The following TBC1D31 variants were observed in gnomAD, a reference collection of about 807,000 sequenced individuals.
TBC1D31 encodes TBC1 domain family member 31.
TBC1D31 carries 99 observed loss-of-function variants against 132.9 expected under a neutral mutation model. The ratio of observed to expected loss-of-function variants is 0.74; its 90% CI spans 0.63 to 0.88. The LOEUF is 0.88. Among genes scored for constraint, TBC1D31 ranks in the 40% least tolerant of loss-of-function variants. The pLI is 0.00. For missense variants in TBC1D31, 1,134 were observed against 1,256.6 expected (o/e 0.90, Z 1.48); for synonymous variants, 385 against 419.4 (o/e 0.92, Z 1.00).
intron 19 of TBC1D31, 50 bp from the exon 20 acceptor site, chr8:123,144,667 G>A: frequency 1.3e-6 from 2 of 1,539,718 alleles, no homozygotes; most frequent in South Asian, 1.2e-5. Context: ...TGTGAAATGT[G>A]TATTACTATA....
chr8:123,165,064 G>A, the TBC1D31 span, among the ~76,000 whole-genome samples: 1 of 152,346 alleles, frequency 6.6e-6, no homozygotes, highest in Non-Finnish European at 1.5e-5. Context: ...CCAGGAGGAA[G>A]GCGGCCATCT....
intron 17 of TBC1D31, 69 bp downstream of exon 17, chr8:123,134,275 TC>T: frequency 8.2e-7 from 1 of 1,222,766 alleles, no homozygotes; most frequent in South Asian, 1.2e-5. Flanking sequence ...AAACCTGTAA[TC>T]CCAGCACTTT....
intron 4 of TBC1D31, 143 bp from the exon 5 acceptor site, chr8:123,093,448 C>G (rs963665127): frequency 2.0e-6 from 1 of 494,204 alleles, no homozygotes; most frequent in Non-Finnish European, 3.3e-6. Context: ...CAGTATTACT[C>G]CTTGTCATAT....
chr8:123,154,648 G>A (rs1299870708), downstream of TBC1D31, among the ~76,000 whole-genome samples: 1 of 152,240 alleles, frequency 6.6e-6, no homozygotes, highest in Non-Finnish European at 1.5e-5. Flanking sequence ...AGGCCAGCAG[G>A]CAGGTGCTCA....
At position 123,105,092 on chromosome 8, in the gene TBC1D31, A is replaced by G. The variant is rs12547393; in HGVS notation, c.1033-196A>G. ...CATGTATCTTTATTATGTTCTTCAA[A>G]AGGATTCAGCAGAAATTTGCTTTGA... is the stretch of plus-strand genomic sequence containing the variant. On this transcript the variant is annotated intron_variant, in intron 7 of 21. Transcript: ENST00000287380. Among the ~76,000 whole-genome samples, 26,380 of 152,116 alleles carry G rather than the reference A, an allele frequency of 0.17. 2,353 individuals are homozygous for G. Among genetic ancestry groups the G allele is most frequent in the South Asian group, 0.22 (1,069 of 4,824 alleles).
chr8:123,124,346 C>G (rs1586682158), intron 11 of TBC1D31, among the ~76,000 whole-genome samples: 1 of 152,318 alleles, frequency 6.6e-6, no homozygotes, highest in African/African-American at 2.4e-5. Context: ...AACAAAGACT[C>G]TCCACACAAT....
chr8:123,077,341 T>C, intron 2 of TBC1D31, 84 bp downstream of exon 2: 2 of 1,333,612 alleles, frequency 1.5e-6, no homozygotes, highest in Non-Finnish European at 2.0e-6. Context: ...CATTATTCAT[T>C]CAGAAAGATT....
rs1814042983 is a variant in TBC1D31 at position 123,072,856 on chromosome 8, G to T, written c.77+10G>T. 2 of 1,558,330 alleles carry T rather than the reference G, an allele frequency of 1.3e-6. No individual in the cohort carries two copies. The highest frequency in any genetic ancestry group is 1.2e-5 in the South Asian group (1 of 84,558). On this transcript the variant is annotated intron_variant, in intron 1 of 21. Transcript: ENST00000287380. ...CGGCCACGCGGGACGGGTAAAGGCC[G>T]TGGCGGGAGGGCGCGGGCTGTGGAG... is the stretch of plus-strand genomic sequence containing the variant.
intron 10 of TBC1D31, among the ~76,000 whole-genome samples, chr8:123,118,607 C>T (rs1034241151): frequency 4.0e-5 from 6 of 151,384 alleles, no homozygotes; most frequent in East Asian, 3.9e-4. Flanking sequence ...ACAAATGAAA[C>T]GCTGGTTTCT....
At chr8:123,086,207 C>G (rs1395319109) in intron 4 of TBC1D31, among the ~76,000 whole-genome samples, 1 of 152,146 alleles carries the variant, frequency 6.6e-6, no homozygotes. Flanking sequence ...CCCTCCTTAC[C>G]ACACCCAGTA....
intron 10 of TBC1D31, among the ~76,000 whole-genome samples, chr8:123,115,394 A>G (rs969701760): frequency 6.6e-6 from 1 of 152,230 alleles, no homozygotes; most frequent in Admixed American, 6.5e-5. Flanking sequence ...TCCTAGGCTC[A>G]GTAATGAAGC....
chr8:123,115,968 T>G (rs150854567), intron 10 of TBC1D31, among the ~76,000 whole-genome samples: 41 of 152,302 alleles, frequency 2.7e-4, no homozygotes, highest in African/African-American at 9.6e-4. Flanking sequence ...GGGGGACAGT[T>G]TTCATTATTC....
chr8:123,162,174 C>T, the TBC1D31 span, among the ~76,000 whole-genome samples: 1 of 151,862 alleles, frequency 6.6e-6, no homozygotes, highest in African/African-American at 2.4e-5. Flanking sequence ...ATTCTACTTC[C>T]CCCCACAGAA....
rs775956449 is a variant in TBC1D31 at position 123,129,079 on chromosome 8, G to C, written c.2131G>C (p.Asp711His). 1.3e-6 allele frequency: 2 copies of C among 1,594,160 alleles called. No individual in the cohort carries two copies. The highest frequency in any genetic ancestry group is 1.7e-6 in the Non-Finnish European group (2 of 1,167,820). ...TACCTACTTAAGGCAGACAGTTGAA[G>C]ATATGCAAGCTAAAGTCGACCAGCA... ...DYLRERQTVE[D>H]MQAKVDQQRV... is the part of the protein sequence containing the mutation. The change falls in exon 15 of 22, where the codon GAT (aspartate) becomes CAT (histidine). Residue 711 changes from aspartate to histidine, a missense_variant. Physicochemically the swap from Asp to His is moderately conservative, Grantham distance 81. Transcript: ENST00000287380.
At chr8:123,084,483 C>T (rs1009257352) in intron 4 of TBC1D31, 143 bp downstream of exon 4, 33 of 725,550 alleles carry the variant, frequency 4.5e-5, no homozygotes, top group Non-Finnish European at 7.0e-5. Context: ...AAGTGGCCAA[C>T]ACAAAGATGT....
chr8:123,076,290 G>A (rs1586535204), intron 1 of TBC1D31, among the ~76,000 whole-genome samples: 1 of 151,836 alleles, frequency 6.6e-6, no homozygotes, highest in Non-Finnish European at 1.5e-5. Flanking sequence ...TTCTGGAGAC[G>A]TGTTTGGTTT....
intron 4 of TBC1D31, among the ~76,000 whole-genome samples, chr8:123,087,895 A>G (rs754098700): frequency 9.9e-5 from 15 of 152,186 alleles, no homozygotes; most frequent in Non-Finnish European, 1.9e-4. Flanking sequence ...TAAAATAATA[A>G]AACAGGACCG....
rs1586520859 is a variant in TBC1D31, at chr8:123,072,922, A to G, written c.77+76A>G. The G allele has an allele frequency of 4.2e-6, 6 of 1,442,660 alleles. No individual in the cohort carries two copies. In the East Asian group the frequency reaches 1.5e-4, roughly 36 times the overall value. 89.4% of individuals were successfully genotyped at this position (1,442,660 alleles called of 1,614,324 possible). A position where few individuals can be genotyped will look rare whatever the true frequency, so the allele number is the denominator to read the frequency against. Reference sequence around the variant, plus strand: ...GAGGAGGGGACGCCGGGCGTCAGGCAGCGTTCCGGGTTCTGGCTCTGACCT... The same window carrying G: ...GAGGAGGGGACGCCGGGCGTCAGGCGGCGTTCCGGGTTCTGGCTCTGACCT... On this transcript the variant is annotated intron_variant, in intron 1 of 21. Transcript: ENST00000287380.
At chr8:123,154,997 A>G (rs1402120402), downstream of TBC1D31, among the ~76,000 whole-genome samples, 2 of 152,220 alleles carry the variant, frequency 1.3e-5, no homozygotes, top group Non-Finnish European at 2.9e-5. Context: ...CCATCACTGC[A>G]GACCTGAGAT....
Sources: allele counts gnomAD v4.1 joint callset (sites outside exome capture counted in the v4.1 genomes callset), GRCh38; gene constraint gnomAD v4.1.1; transcripts MANE v1.5; gene names NCBI Gene and HGNC (gene_info 2026-07-23, HGNC 2026-07-21).